MDM1: variants seen among roughly 807,000 people sequenced by gnomAD.
The protein encoded by MDM1 is Mdm1 nuclear protein.
Under a neutral mutation model 89.1 loss-of-function variants are expected in MDM1, and 61 were observed. The observed-to-expected ratio is 0.68, with a 90% CI of 0.56 to 0.85. The LOEUF is 0.85. Ranked by LOEUF, MDM1 falls within the 40% of genes least tolerant of loss-of-function variation. The pLI, the probability that MDM1 is intolerant of heterozygous loss-of-function variation, is 0.00. For synonymous variants in MDM1, 290 were observed against 294.1 expected (o/e 0.99, Z 0.14); for missense variants, 820 against 846.5 (o/e 0.97, Z 0.39).
In MDM1 at chr12:68,315,170, G is replaced by A. The variant is rs772953432; in HGVS notation, c.1307C>T (p.Thr436Met). ...GGGAGCTGACACACCCAATTTCTCCGTGGTATTTTTCTGGGGCTGTTCTTC... is the reference window on the plus strand; with the variant it reads ...GGGAGCTGACACACCCAATTTCTCCATGGTATTTTTCTGGGGCTGTTCTTC... ...IVEEQPQKNT[T>M]EKLGVSAPTI... Residue 436 changes from threonine to methionine, a missense_variant, in exon 10 of 15, where the codon ACG (threonine) becomes ATG (methionine). Physicochemically the swap from Thr to Met is moderately conservative, Grantham distance 81 (BLOSUM62 -1). Coordinates refer to ENST00000682720, the MANE Select transcript of MDM1 (RefSeq NM_001354969.2). The A allele has an allele frequency of 2.9e-5, 46 of 1,613,990 alleles. No homozygotes were observed. The highest frequency in any genetic ancestry group is 3.6e-5 in the Non-Finnish European group (43 of 1,180,036).
At chr12:68,326,230 T>C in intron 3 of MDM1, 3 of 1,124,644 alleles carry the variant, frequency 2.7e-6, no homozygotes, top group Non-Finnish European at 3.3e-6. Flanking sequence ...AGAGCTCTCC[T>C]TCCTTTTGCA....
At chr12:68,316,637 T>C in intron 7 of MDM1, 27 bp from the exon 8 acceptor site, 4 of 1,509,666 alleles carry the variant, frequency 2.6e-6, no homozygotes, top group African/African-American at 1.4e-5. Flanking sequence ...GAAACACACT[T>C]AATGATAGGT....
At chr12:68,297,450 G>A (rs1392780541) in intron 13 of MDM1, among the ~76,000 whole-genome samples, 2 of 152,194 alleles carry the variant, frequency 1.3e-5, no homozygotes, top group Non-Finnish European at 2.9e-5. Flanking sequence ...CCAAGTAAGT[G>A]GAAGTTTAAG....
At chr12:68,323,440 T>C in intron 4 of MDM1, 200 bp from the exon 5 acceptor site, 1 of 442,768 alleles carries the variant, frequency 2.3e-6, no homozygotes, top group Non-Finnish European at 3.9e-6. Flanking sequence ...TGAATAACAG[T>C]TTTGTAATCA....
Position 68,332,249 on chromosome 12 carries a change from G to T in MDM1, c.-4C>A. On this transcript the variant is annotated 5_prime_UTR_variant, in exon 1 of 15. Transcript: ENST00000682720. ...TCACCTTGAAGCGCACCGGCATGTC[G>T]CCCGGCGCCGGAGCCCCCGCTACTC... 6.3e-7 allele frequency: 1 copy of T among 1,582,018 alleles called. No homozygotes were observed. The highest frequency in any genetic ancestry group is 1.3e-5 in the African/African-American group (1 of 74,152).
intron 2 of MDM1, among the ~76,000 whole-genome samples, chr12:68,329,108 T>C (rs1228419006): frequency 6.6e-6 from 1 of 152,198 alleles, no homozygotes; most frequent in East Asian, 1.9e-4. Flanking sequence ...GGGATATCTA[T>C]GCTTAAACAG....
intron 2 of MDM1, among the ~76,000 whole-genome samples, chr12:68,330,186 T>C (rs541759932): frequency 6.6e-6 from 1 of 152,334 alleles, no homozygotes; most frequent in East Asian, 1.9e-4. Context: ...CCCTTAATTA[T>C]TGAGTGACTT....
chr12:68,305,148 A>G (rs1872703621), intron 12 of MDM1, among the ~76,000 whole-genome samples: 1 of 152,252 alleles, frequency 6.6e-6, no homozygotes, highest in Non-Finnish European at 1.5e-5. Context: ...GCACATAAAC[A>G]GAATTAAAAA....
intron 14 of MDM1, 110 bp from the exon 15 acceptor site, chr12:68,295,476 C>T: frequency 1.5e-6 from 1 of 664,632 alleles, no homozygotes; most frequent in Non-Finnish European, 2.5e-6. Flanking sequence ...TTATCAATGT[C>T]AAGTTAGTCA....
At chr12:68,331,554 C>A (rs963456023) in intron 1 of MDM1, among the ~76,000 whole-genome samples, 1 of 152,154 alleles carries the variant, frequency 6.6e-6, no homozygotes, top group Non-Finnish European at 1.5e-5. Context: ...CTAGATTTAT[C>A]GCAGGTTTTC....
At chr12:68,308,719 AGTG>A (rs1333788123) in intron 12 of MDM1, among the ~76,000 whole-genome samples, 1 of 152,230 alleles carries the variant, frequency 6.6e-6, no homozygotes, top group African/African-American at 2.4e-5. Context: ...ATCCTAGAAC[AGTG>A]CCTGGCACTT....
rs1236102093 is a variant in MDM1 at position 68,325,531 on chromosome 12, A to C, written c.543T>G (p.Pro181=). 1 of 1,596,018 alleles carries C rather than the reference A, an allele frequency of 6.3e-7. No homozygotes were observed. Among genetic ancestry groups the C allele is most frequent in the East Asian group, 2.3e-5 (1 of 44,202 alleles). ...LRKKAGLTVV[P]SYNALRNSEY... ...CAGAATTTCTCAAGGCATTATATGA[A>C]GGAACAACAGTCAATCCAGCTTTCT... Residue 181 remains proline (P), a synonymous_variant, in exon 4 of 15, where the codon CCT becomes CCG. Coordinates refer to ENST00000682720, the MANE Select transcript of MDM1 (RefSeq NM_001354969.2).
chr12:68,318,431 T>A (rs2121035884), intron 7 of MDM1, among the ~76,000 whole-genome samples: 1 of 152,340 alleles, frequency 6.6e-6, no homozygotes, highest in East Asian at 1.9e-4. Flanking sequence ...TCATAAAAAT[T>A]CTGAAGACTT....
intron 2 of MDM1, chr12:68,327,442 A>G (rs1876171690): frequency 1.3e-6 from 2 of 1,535,910 alleles, no homozygotes; most frequent in Non-Finnish European, 1.7e-6. Flanking sequence ...TCTTATGTGG[A>G]GCAGACCAAG....
chr12:68,324,292 T>C (rs937873867), intron 4 of MDM1, among the ~76,000 whole-genome samples: 1 of 152,110 alleles, frequency 6.6e-6, no homozygotes, highest in East Asian at 1.9e-4. Flanking sequence ...AAATACTCTA[T>C]AAAAAACTGA....
intron 1 of MDM1, chr12:68,331,925 C>G: frequency 1.5e-6 from 1 of 669,792 alleles, no homozygotes; most frequent in Admixed American, 2.0e-5. Flanking sequence ...CTGAAGTCGC[C>G]TTTAGTTCTC....
At chr12:68,328,365 C>T (rs1876312617) in intron 2 of MDM1, among the ~76,000 whole-genome samples, 1 of 152,180 alleles carries the variant, frequency 6.6e-6, no homozygotes, top group South Asian at 2.1e-4. Context: ...GATAAACAGA[C>T]TTTCTCACAG....
Position 68,321,541 on chromosome 12 carries a change from T to C in MDM1, c.889A>G (p.Lys297Glu), listed in dbSNP as rs369140816. The change falls in exon 6 of 15, where the codon AAA becomes GAA. Residue 297 changes from lysine (K) to glutamate (E), a missense_variant. Lys to Glu is a moderately conservative substitution (Grantham distance 56, BLOSUM62 1). Coordinates refer to ENST00000682720, the MANE Select transcript of MDM1 (RefSeq NM_001354969.2). ...HQPKRKLTPW[K>E]HQRLGKVNSE... The stretch of plus-strand genomic sequence containing the variant: ...AATACATACCCAAGCCTTTGATGTT[T>C]CCAAGGAGTAAGCTTCCTTTTAGGC... 1 of 1,613,082 alleles carries C rather than the reference T, an allele frequency of 6.2e-7. No individual in the cohort carries two copies. The highest frequency in any genetic ancestry group is 8.5e-7 in the Non-Finnish European group (1 of 1,179,636).
chr12:68,313,356 TA>T, intron 12 of MDM1, 86 bp downstream of exon 12: 1 of 968,376 alleles, frequency 1.0e-6, no homozygotes, highest in Non-Finnish European at 1.6e-6. Flanking sequence ...CACAATTCTC[TA>T]AAATCTTAAC....
Sources: gnomAD v4.1 joint callset for allele counts (sites outside exome capture counted in the v4.1 genomes callset) on GRCh38, gnomAD v4.1.1 for gene constraint, MANE v1.5 for transcripts, NCBI Gene and HGNC (gene_info 2026-07-23, HGNC 2026-07-21) for gene names.